The following NSD1 variants were observed in gnomAD, a reference collection of about 807,000 sequenced individuals.
NSD1 encodes histone-lysine N-methyltransferase, H3 lysine-36 specific.
A neutral mutation model predicts 242.7 loss-of-function variants in NSD1; 26 were observed. That is an observed-to-expected ratio of 0.11 (90% CI 0.08 to 0.15). The LOEUF is 0.15. Ranked by LOEUF, NSD1 falls within the 10% of genes least tolerant of loss-of-function variation. The pLI is 1.00. For synonymous variants in NSD1, 1,106 were observed against 1,178.1 expected (o/e 0.94, Z 1.25); for missense variants, 2,495 against 3,272.8 (o/e 0.76, Z 5.80).
intron 3 of NSD1, among the ~76,000 whole-genome samples, chr5:177,199,060 T>G (rs1453711557): frequency 2.0e-5 from 3 of 152,258 alleles, no homozygotes; most frequent in Non-Finnish European, 4.4e-5. Context: ...CGATACACAT[T>G]AAATAGAAAT....
rs746203233 is a variant in NSD1 at position 177,280,560 on chromosome 5, T to A, written c.5623-5T>A. On this transcript the variant is annotated splice_polypyrimidine_tract_variant and splice_region_variant and intron_variant, in intron 17 of 22. Coordinates refer to ENST00000439151, the MANE Select transcript of NSD1 (RefSeq NM_022455.5). ...TATGCGGTGTACTTTGTGTTACTTT[T>A]CCAGGTAAACCGTCCTATTGGCAGG... The A allele has an allele frequency of 3.1e-6, 5 of 1,614,248 alleles. No individual in the cohort carries two copies. The East Asian group carries it at 1.1e-4, about 36-fold the overall frequency.
chr5:177,205,927 C>T (rs1762835654), intron 4 of NSD1, among the ~76,000 whole-genome samples: 1 of 152,092 alleles, frequency 6.6e-6, no homozygotes, highest in South Asian at 2.1e-4. Context: ...AGGCTCGAGC[C>T]ATTCTCCTGA....
chr5:177,233,537 A>ATT (rs56908682), intron 5 of NSD1, among the ~76,000 whole-genome samples: 5,449 of 126,362 alleles, frequency 0.043, 242 homozygotes, highest in African/African-American at 0.09. Flanking sequence ...CCTGGCTAGT[A>ATT]TTTTTTTTTT....
intron 11 of NSD1, among the ~76,000 whole-genome samples, chr5:177,251,202 A>T (rs1344056507): frequency 6.6e-6 from 1 of 152,024 alleles, no homozygotes; most frequent in Non-Finnish European, 1.5e-5. Flanking sequence ...AAAAAAAAAA[A>T]AATTGATAAA....
At chr5:177,292,408 C>T (rs537540896) in intron 22 of NSD1, among the ~76,000 whole-genome samples, 1 of 152,150 alleles carries the variant, frequency 6.6e-6, no homozygotes, top group Non-Finnish European at 1.5e-5. Context: ...ATTTCATTCC[C>T]CCAGCAGCCC....
chr5:177,290,914 C>G (rs531790758), intron 21 of NSD1, among the ~76,000 whole-genome samples: 12 of 152,108 alleles, frequency 7.9e-5, no homozygotes, highest in Non-Finnish European at 1.5e-4. Flanking sequence ...GTGCGGATGT[C>G]AGTTTCAGCA....
chr5:177,295,489 C>T lies in NSD1; in HGVS notation c.*30C>T. On this transcript the variant is annotated 3_prime_UTR_variant, in exon 23 of 23. Transcript: ENST00000439151. The surrounding 1 kb of genome is among the most constrained non-coding windows in gnomAD (Gnocchi z 4.3). ...AATCAATGTCACATGAACAAACAAG[C>T]TGCCCCCAGGGTACCATTTGGGGAG... 1 of 1,609,164 alleles carries T rather than the reference C, an allele frequency of 6.2e-7. No individual in the cohort carries two copies.
chr5:177,222,541 G>C (rs1228231501), intron 5 of NSD1, among the ~76,000 whole-genome samples: 1 of 152,046 alleles, frequency 6.6e-6, no homozygotes, highest in African/African-American at 2.4e-5. Flanking sequence ...TTTTGGGTGT[G>C]GAGCAGTGGT....
chr5:177,155,918 T>C (rs776750768), intron 2 of NSD1, among the ~76,000 whole-genome samples: 15 of 151,930 alleles, frequency 9.9e-5, no homozygotes, highest in Non-Finnish European at 2.1e-4. Context: ...TCGGCCAGGC[T>C]GGTCTCGAAC....
At chr5:177,259,250 C>A (rs1017227037) in intron 13 of NSD1, among the ~76,000 whole-genome samples, 1 of 152,222 alleles carries the variant, frequency 6.6e-6, no homozygotes, top group African/African-American at 2.4e-5. Context: ...TTTAATCAGA[C>A]TGTCAGTACC....
At chr5:177,146,288 C>T (rs1757238308) in intron 2 of NSD1, among the ~76,000 whole-genome samples, 1 of 149,368 alleles carries the variant, frequency 6.7e-6, no homozygotes, top group Non-Finnish European at 1.5e-5. Context: ...TCACTGCAAC[C>T]TCCACCTCCT....
intron 2 of NSD1, among the ~76,000 whole-genome samples, chr5:177,141,350 A>G (rs1385576270): frequency 1.0e-5 from 1 of 99,216 alleles, no homozygotes; most frequent in African/African-American, 4.7e-5. Flanking sequence ...TTTTTTTTTA[A>G]GATGAATTCT....
intron 2 of NSD1, among the ~76,000 whole-genome samples, chr5:177,139,914 A>G (rs893751038): frequency 7.3e-5 from 11 of 151,288 alleles, no homozygotes; most frequent in Non-Finnish European, 1.3e-4. Context: ...ACTGCATTCC[A>G]GCCTAGGCAA....
chr5:177,170,142 T>G lies in NSD1; in HGVS notation c.928-21742T>G, dbSNP rs541507368. Reference sequence around the variant, plus strand: ...CCGCCACCACGCCCGGCTAATTTTTTTTTGTATTTTTAGTAGAGATGGGGT... The same window carrying G: ...CCGCCACCACGCCCGGCTAATTTTTGTTTGTATTTTTAGTAGAGATGGGGT... On this transcript the variant is annotated intron_variant, in intron 2 of 22. Transcript: ENST00000439151. Among the ~76,000 whole-genome samples, 8 of 151,070 alleles carry G rather than the reference T, an allele frequency of 5.3e-5. No homozygotes were observed. In the South Asian group the frequency reaches 1.7e-3, roughly 32 times the overall value.
chr5:177,220,764 T>G, intron 5 of NSD1, among the ~76,000 whole-genome samples: 1 of 151,674 alleles, frequency 6.6e-6, no homozygotes, highest in Non-Finnish European at 1.5e-5. Flanking sequence ...AGAGACAGGG[T>G]TTTGCAGTGT....
intron 13 of NSD1, among the ~76,000 whole-genome samples, chr5:177,258,312 A>G (rs953567733): frequency 1.5e-4 from 23 of 151,684 alleles, no homozygotes; most frequent in Non-Finnish European, 3.4e-4. Flanking sequence ...TCAGTGTGAT[A>G]TCATTCAGAA....
chr5:177,182,328 C>T (rs998439955), intron 2 of NSD1, among the ~76,000 whole-genome samples: 1 of 152,058 alleles, frequency 6.6e-6, no homozygotes, highest in Non-Finnish European at 1.5e-5. Flanking sequence ...TCAGCAAAAA[C>T]AAACAAACAA....
chr5:177,280,967 C>A, intron 18 of NSD1, 133 bp downstream of exon 18: 1 of 1,018,644 alleles, frequency 9.8e-7, no homozygotes, highest in South Asian at 1.6e-5. Context: ...TGTGTCTTGC[C>A]ATATCCTTCT....
intron 2 of NSD1, among the ~76,000 whole-genome samples, chr5:177,178,049 C>T (rs895479784): frequency 2.0e-5 from 3 of 152,022 alleles, no homozygotes; most frequent in Non-Finnish European, 4.4e-5. Flanking sequence ...CATGCGCTGC[C>T]ACGCCTGGCT....
Sources: allele counts gnomAD v4.1 joint callset (sites outside exome capture counted in the v4.1 genomes callset), GRCh38; gene constraint gnomAD v4.1.1; non-coding constraint Gnocchi (gnomAD v3.1); transcripts MANE v1.5; gene names NCBI Gene and HGNC (gene_info 2026-07-23, HGNC 2026-07-21).